The following TACC2 variants were observed in gnomAD, a reference collection of about 807,000 sequenced individuals.
TACC2 encodes transforming acidic coiled-coil-containing protein 2.
A neutral mutation model predicts 227.3 loss-of-function variants in TACC2; 137 were observed. The observed-to-expected ratio is 0.60, with a 90% CI of 0.52 to 0.69. The LOEUF is 0.69. Among genes scored for constraint, TACC2 ranks in the 30% least tolerant of loss-of-function variants. The pLI is 0.00. For missense variants in TACC2, 3,470 were observed against 3,694.4 expected, an observed-to-expected ratio of 0.94 and a Z score of 1.57; for synonymous variants, 1,523 against 1,487.5, an observed-to-expected ratio of 1.02 and a Z score of -0.55.
At position 122,210,784 on chromosome 10, in the gene TACC2, C is replaced by G. The variant is rs770104155; in HGVS notation, c.6359C>G (p.Ala2120Gly). The change falls in exon 9 of 23, where the codon GCT becomes GGT. Residue 2120 changes from alanine to glycine, a missense_variant. Around this residue, in one of 10 missense-constraint regions of TACC2, gnomAD observed 593 missense variants for 636.6 expected, o/e 0.93. Coordinates refer to ENST00000369005, the MANE Select transcript of TACC2 (RefSeq NM_206862.4). This position sits in a 1 kb window ranked among gnomAD's most constrained non-coding sequence, Gnocchi z 4.6. ...PDAYSTGSSS[A>G]SSTLKRTKKP... is the part of the protein sequence containing the mutation. Reference sequence around the variant, plus strand: ...GCATATAGCACGGGTTCCAGCAGTGCTTCTAGTACCCTTAAGCGAACTAAA... The same window carrying G: ...GCATATAGCACGGGTTCCAGCAGTGGTTCTAGTACCCTTAAGCGAACTAAA... 8.1e-6 allele frequency: 13 copies of G among 1,613,664 alleles called. No individual in the cohort carries two copies. The Admixed American group carries it at 1.2e-4, about 14-fold the overall frequency.
chr10:122,174,407 C>T (rs1299754042), intron 7 of TACC2, among the ~76,000 whole-genome samples: 1 of 152,208 alleles, frequency 6.6e-6, no homozygotes, highest in African/African-American at 2.4e-5. Flanking sequence ...AGTGCCCACT[C>T]ACTCCATGGG....
At position 122,139,292 on chromosome 10, in the gene TACC2, C is replaced by T. The variant is rs528446698; in HGVS notation, c.5700-4280C>T. ...GTTAACTGCGCAGGAGCCCAGCGCC[C>T]GCTGGAAATCTGCAGATCAGCTTGT... On this transcript the variant is annotated intron_variant, in intron 6 of 22. Transcript: ENST00000369005. Among the ~76,000 whole-genome samples, 8 of 152,352 alleles carry T rather than the reference C, an allele frequency of 5.3e-5. No individual in the cohort carries two copies. In the South Asian group the frequency reaches 1.0e-3, roughly 20 times the overall value.
chr10:122,009,781 C>T (rs1955693817), intron 1 of TACC2, among the ~76,000 whole-genome samples: 1 of 151,922 alleles, frequency 6.6e-6, no homozygotes, highest in African/African-American at 2.4e-5. Context: ...CAAAAATTAG[C>T]TGGGCATGGG....
intron 3 of TACC2, among the ~76,000 whole-genome samples, chr10:122,077,312 A>T (rs536617137): frequency 6.6e-6 from 1 of 152,234 alleles, no homozygotes; most frequent in Non-Finnish European, 1.5e-5. Flanking sequence ...GGCACCAGGG[A>T]TATGATATTG....
intron 1 of TACC2, among the ~76,000 whole-genome samples, chr10:122,008,281 C>A (rs1955494618): frequency 3.1e-5 from 1 of 32,700 alleles, no homozygotes; most frequent in Non-Finnish European, 6.6e-5. Flanking sequence ...TTTTTTGAGA[C>A]AGAATTTTGC....
At chr10:122,107,876 A>ATTTTTTTTTTTTTTTTTTTT (rs1464725854) in intron 5 of TACC2, among the ~76,000 whole-genome samples, 3 of 85,588 alleles carry the variant, frequency 3.5e-5, no homozygotes, top group Non-Finnish European at 6.9e-5. Flanking sequence ...ATATATATAT[A>ATTTTTTTTTTTTTTTTTTTT]TATATTTTTT....
intron 7 of TACC2, chr10:122,163,777 T>G (rs1592787313): frequency 2.5e-6 from 3 of 1,222,536 alleles, no homozygotes; most frequent in Non-Finnish European, 3.1e-6. Context: ...CTGCCGCCGC[T>G]CCCGCCGCCA....
chr10:122,005,034 C>T (rs1413189161), intron 1 of TACC2, among the ~76,000 whole-genome samples: 2 of 151,898 alleles, frequency 1.3e-5, no homozygotes, highest in Non-Finnish European at 2.9e-5. Flanking sequence ...CTAGTAGATT[C>T]CTCAAGACTG....
chr10:122,057,273 G>C lies in TACC2; in HGVS notation c.146+6723G>C, dbSNP rs571504084. 2.6e-5 allele frequency among the ~76,000 whole-genome samples: 4 copies of C among 152,256 alleles called. No individual in the cohort carries two copies. The East Asian group carries it at 7.7e-4, about 29-fold the overall frequency. Reference sequence around the variant, plus strand: ...GTTCTGAAGATAAGGGTGAGGCACTGACTGGTGCACTGGAGGGGTGGAGGG... The same window carrying C: ...GTTCTGAAGATAAGGGTGAGGCACTCACTGGTGCACTGGAGGGGTGGAGGG... On this transcript the variant is annotated intron_variant, in intron 3 of 22. Coordinates refer to ENST00000369005, the MANE Select transcript of TACC2 (RefSeq NM_206862.4).
At chr10:122,025,341 A>G (rs1591183736) in intron 2 of TACC2, among the ~76,000 whole-genome samples, 1 of 150,818 alleles carries the variant, frequency 6.6e-6, no homozygotes, top group Admixed American at 6.6e-5. Context: ...GCTCACTGCA[A>G]CCTCTGCCTC....
At chr10:122,082,571 T>G in intron 3 of TACC2, 76 bp from the exon 4 acceptor site, 1 of 1,506,646 alleles carries the variant, frequency 6.6e-7, no homozygotes, top group Admixed American at 2.0e-5. Context: ...TGGGGGTGGG[T>G]TGGGGGGTGA....
intron 8 of TACC2, among the ~76,000 whole-genome samples, chr10:122,197,084 A>T (rs1205692379): frequency 6.6e-6 from 1 of 151,970 alleles, no homozygotes; most frequent in African/African-American, 2.4e-5. Flanking sequence ...AACATAGTGA[A>T]ACCCCGTCTC....
At chr10:122,188,143 C>G (rs571053102) in intron 7 of TACC2, among the ~76,000 whole-genome samples, 1 of 152,136 alleles carries the variant, frequency 6.6e-6, no homozygotes, top group Admixed American at 6.5e-5. Flanking sequence ...GATACTCCCT[C>G]CCTGGAAGTT....
intron 22 of TACC2, among the ~76,000 whole-genome samples, chr10:122,252,739 C>T (rs1172667656): frequency 2.0e-5 from 3 of 152,150 alleles, no homozygotes; most frequent in East Asian, 1.9e-4. Context: ...GTGATCCACC[C>T]GCCTCGGCCT....
At chr10:122,025,456 T>G (rs1007403081) in intron 2 of TACC2, among the ~76,000 whole-genome samples, 2 of 151,910 alleles carry the variant, frequency 1.3e-5, no homozygotes, top group Admixed American at 6.6e-5. Flanking sequence ...AGAGACGAGG[T>G]TTCACTATGT....
Position 122,229,369 on chromosome 10 carries a change from C to T in TACC2, c.7920C>T (p.Ala2640=). 3 of 1,614,074 alleles carry T rather than the reference C, an allele frequency of 1.9e-6. No homozygotes were observed. In the East Asian group the frequency reaches 6.7e-5, roughly 36 times the overall value. Residue 2640 remains alanine (A), a synonymous_variant, in exon 15 of 23, where the codon GCC becomes GCT. Transcript: ENST00000369005. The stretch of plus-strand genomic sequence containing the variant: ...AGACAGCTCCCGAGGGCTCCTTTGC[C>T]TCTGCTGACGCCCTCCTCAGCAGGC... ...IEITAPEGSF[A]SADALLSRLA...
chr10:122,231,200 TA>T (rs1233639798), intron 16 of TACC2, among the ~76,000 whole-genome samples: 1 of 152,182 alleles, frequency 6.6e-6, no homozygotes, highest in Non-Finnish European at 1.5e-5. Context: ...TAACTTTTAT[TA>T]ACAATTTGAA....
chr10:122,011,195 A>C (rs1246188737), intron 1 of TACC2, among the ~76,000 whole-genome samples: 4 of 110,672 alleles, frequency 3.6e-5, no homozygotes, highest in African/African-American at 1.1e-4. Context: ...ATGCAGGGTC[A>C]GGTAGACAGT....
intron 5 of TACC2, among the ~76,000 whole-genome samples, chr10:122,124,606 G>A (rs2138549434): frequency 1.3e-5 from 2 of 152,302 alleles, no homozygotes; most frequent in Admixed American, 1.3e-4. Flanking sequence ...TGCCGAAGTG[G>A]CTGGCATATC....
Sources: allele counts gnomAD v4.1 joint callset (sites outside exome capture counted in the v4.1 genomes callset), GRCh38; gene constraint gnomAD v4.1.1; regional missense constraint gnomAD v4.1.1; non-coding constraint Gnocchi (gnomAD v3.1); transcripts MANE v1.5; gene names NCBI Gene and HGNC (gene_info 2026-07-23, HGNC 2026-07-21).